Variants in FOCAD observed in about 807,000 individuals in gnomAD.
FOCAD encodes KIAA1797.
Under a neutral mutation model 225.6 loss-of-function variants are expected in FOCAD, and 198 were observed. The observed-to-expected ratio is 0.88, with a 90% CI of 0.78 to 0.99. The LOEUF (loss-of-function observed/expected upper bound fraction) is 0.99, where lower values mean the gene tolerates loss of function less well. Among genes scored for constraint, FOCAD ranks in the 50% least tolerant of loss-of-function variants. FOCAD has a pLI of 0.00. For synonymous variants in FOCAD, 897 were observed against 755.0 expected, an observed-to-expected ratio of 1.19 and a Z score of -3.08; for missense variants, 2,713 against 2,123.6, an observed-to-expected ratio of 1.28 and a Z score of -5.46.
intron 24 of FOCAD, among the ~76,000 whole-genome samples, chr9:20,917,257 A>G (rs1299308671): frequency 3.3e-5 from 5 of 151,914 alleles, no homozygotes; most frequent in Non-Finnish European, 5.9e-5. Flanking sequence ...GTTCGAGGGG[A>G]TTAAAAAAAA....
intron 1 of FOCAD, among the ~76,000 whole-genome samples, chr9:20,690,748 C>T (rs2131344888): frequency 6.6e-6 from 1 of 152,116 alleles, no homozygotes; most frequent in East Asian, 1.9e-4. Flanking sequence ...GGGGTCTTAC[C>T]ATGTTGCTCA....
intron 1 of FOCAD, among the ~76,000 whole-genome samples, chr9:20,709,824 G>A (rs964483532): frequency 5.3e-5 from 8 of 152,296 alleles, no homozygotes; most frequent in African/African-American, 1.9e-4. Flanking sequence ...TCTCTGAGGT[G>A]TCACACTGAA....
At chr9:20,789,285 A>G (rs372398592) in intron 10 of FOCAD, 66 bp from the exon 11 acceptor site, 7 of 1,547,632 alleles carry the variant, frequency 4.5e-6, no homozygotes, top group Non-Finnish European at 6.2e-6. Context: ...TAAGAATGCC[A>G]GAAACATATT....
intron 1 of FOCAD, among the ~76,000 whole-genome samples, chr9:20,706,028 G>C (rs1824360931): frequency 6.8e-6 from 1 of 146,422 alleles, no homozygotes; most frequent in African/African-American, 2.5e-5. Flanking sequence ...TTGATCTACT[G>C]GACTCAAGTG....
In FOCAD at chr9:20,740,787, A is replaced by G. The variant is rs145704464; in HGVS notation, c.392+447A>G. ...CCAAGGTCAGTAGTTAGGAGTGTTG[A>G]TTTGCCTTTTCTTTGTCATCTGTAG... On this transcript the variant is annotated intron_variant, in intron 5 of 43. Transcript: ENST00000338382. Among the ~76,000 whole-genome samples, 898 of 152,258 alleles carry G rather than the reference A, an allele frequency of 5.9e-3. 9 individuals are homozygous for G. Among genetic ancestry groups the G allele is most frequent in the African/African-American group, 0.021 (857 of 41,540 alleles).
intron 21 of FOCAD, among the ~76,000 whole-genome samples, chr9:20,898,464 G>A (rs1166455407): frequency 6.6e-6 from 1 of 151,522 alleles, no homozygotes; most frequent in Non-Finnish European, 1.5e-5. Flanking sequence ...GGTTTCCATT[G>A]AGATATCCTC....
At chr9:20,834,061 G>A (rs1402449594) in intron 15 of FOCAD, among the ~76,000 whole-genome samples, 3 of 151,968 alleles carry the variant, frequency 2.0e-5, no homozygotes, top group East Asian at 3.9e-4. Flanking sequence ...GCTTTGTTAA[G>A]GATAGCATAT....
chr9:20,945,222 A>C (rs976590157), intron 29 of FOCAD, among the ~76,000 whole-genome samples: 1 of 139,776 alleles, frequency 7.2e-6, no homozygotes, highest in Non-Finnish European at 1.6e-5. Context: ...TACCACACTT[A>C]GAGAAAAGTT....
intron 11 of FOCAD, among the ~76,000 whole-genome samples, chr9:20,812,292 A>C (rs1823164525): frequency 6.6e-6 from 1 of 152,058 alleles, no homozygotes; most frequent in Non-Finnish European, 1.5e-5. Context: ...TATAGTAATA[A>C]AGTATGAGCT....
intron 4 of FOCAD, among the ~76,000 whole-genome samples, chr9:20,722,323 C>T (rs1825853987): frequency 1.3e-5 from 2 of 152,160 alleles, no homozygotes; most frequent in Non-Finnish European, 2.9e-5. Context: ...CTCTAGACAT[C>T]CACAACTCTT....
intron 2 of FOCAD, among the ~76,000 whole-genome samples, chr9:20,666,559 C>T (rs1437345032): frequency 6.6e-6 from 1 of 152,138 alleles, no homozygotes; most frequent in East Asian, 1.9e-4. Context: ...GAGAGTGAGA[C>T]CCTATCTCAA....
At chr9:20,889,171 C>G (rs1042672740) in intron 21 of FOCAD, among the ~76,000 whole-genome samples, 3 of 152,206 alleles carry the variant, frequency 2.0e-5, no homozygotes, top group African/African-American at 7.2e-5. Flanking sequence ...CACTAATCTA[C>G]TTTCTGCCTC....
rs530069272 is a variant in FOCAD, at chr9:20,862,683, T to G, written c.2026T>G (p.Ser676Ala). ...GAGTGAACTATTTTCTCTAGTTCCT[T>G]CCTTAACGGTCAATACAACTGAATA... Reference protein sequence around the residue: ...TLSELFSLVPSLTVNTTEYEN... With the variant: ...TLSELFSLVPALTVNTTEYEN... The change falls in exon 16 of 44, where the codon TCC becomes GCC. Residue 676 changes from serine to alanine, a missense_variant. Physicochemically the swap from Ser to Ala is moderately conservative, Grantham distance 99. Coordinates refer to ENST00000338382, the MANE Select transcript of FOCAD (RefSeq NM_001375567.1). The G allele has an allele frequency of 2.0e-5, 32 of 1,612,946 alleles. No homozygotes were observed. The highest frequency in any genetic ancestry group is 2.7e-5 in the Non-Finnish European group (32 of 1,179,402).
At chr9:20,880,276 G>T (rs1273632620) in intron 19 of FOCAD, among the ~76,000 whole-genome samples, 2 of 152,180 alleles carry the variant, frequency 1.3e-5, no homozygotes, top group African/African-American at 2.4e-5. Flanking sequence ...AGTGCTTAAT[G>T]TCTCTGGCCT....
chr9:20,959,799 C>T (rs1332714156), intron 35 of FOCAD, among the ~76,000 whole-genome samples: 1 of 152,194 alleles, frequency 6.6e-6, no homozygotes, highest in East Asian at 1.9e-4. Context: ...TGTCCTTTCC[C>T]CACTGAGTGT....
chr9:20,919,344 G>A (rs908865917), intron 24 of FOCAD, among the ~76,000 whole-genome samples: 1 of 152,202 alleles, frequency 6.6e-6, no homozygotes, highest in African/African-American at 2.4e-5. Flanking sequence ...AACATTCCAT[G>A]TTCCTGGGTA....
chr9:20,941,987 G>T (rs1221561904), intron 28 of FOCAD, among the ~76,000 whole-genome samples: 2 of 152,128 alleles, frequency 1.3e-5, no homozygotes, highest in Non-Finnish European at 2.9e-5. Flanking sequence ...AAATATAGAA[G>T]ATTTAGAAAT....
intron 18 of FOCAD, chr9:20,872,771 A>G (rs996980252): frequency 6.6e-6 from 1 of 152,136 alleles, no homozygotes; most frequent in Non-Finnish European, 1.5e-5. Context: ...TAATTTTAGA[A>G]CATTTTCCCC....
At chr9:20,703,400 C>G (rs1414763065) in intron 1 of FOCAD, among the ~76,000 whole-genome samples, 1 of 152,068 alleles carries the variant, frequency 6.6e-6, no homozygotes, top group Non-Finnish European at 1.5e-5. Flanking sequence ...AGGAGAGTTG[C>G]AAGACCAGAA....
Sources: gnomAD v4.1 joint callset for allele counts (sites outside exome capture counted in the v4.1 genomes callset) on GRCh38, gnomAD v4.1.1 for gene constraint, MANE v1.5 for transcripts, NCBI Gene and HGNC (gene_info 2026-07-23, HGNC 2026-07-21) for gene names.